Variants in TRIM72 observed in about 807,000 individuals in gnomAD.
The protein encoded by TRIM72 is tripartite motif containing 72.
A neutral mutation model predicts 31.6 loss-of-function variants in TRIM72; 33 were observed. The ratio of observed to expected loss-of-function variants is 1.04; its 90% CI spans 0.79 to 1.40. TRIM72 has a LOEUF of 1.40. TRIM72 is among the 40% of genes most tolerant of loss of function. The pLI, the probability that TRIM72 is intolerant of heterozygous loss-of-function variation, is 0.00. For synonymous variants in TRIM72, 301 were observed against 314.4 expected, an observed-to-expected ratio of 0.96 and a Z score of 0.45; for missense variants, 666 against 682.7, an observed-to-expected ratio of 0.98 and a Z score of 0.27.
rs375401025 is a variant in TRIM72, at chr16:31,224,313, C to A, written c.992C>A (p.Ala331Glu). The A allele has an allele frequency of 2.5e-6, 4 of 1,598,140 alleles. No individual in the cohort carries two copies. Among genetic ancestry groups the A allele is most frequent in the Non-Finnish European group, 2.6e-6 (3 of 1,175,502 alleles). ...AGEDPRQFDKAVAVVAHQQLS... is the reference protein window; with the variant it reads ...AGEDPRQFDKEVAVVAHQQLS... ...GAGGACCCGCGCCAGTTCGACAAGG[C>A]GGTGGCGGTGGTGGCGCACCAGCAG... is the stretch of plus-strand genomic sequence containing the variant. Residue 331 changes from alanine to glutamate, a missense_variant, in exon 7 of 7, where the codon GCG (alanine) becomes GAG (glutamate). Coordinates refer to ENST00000322122, the MANE Select transcript of TRIM72 (RefSeq NM_001008274.4).
rs919866264 is a variant in TRIM72 at position 31,216,964 on chromosome 16, T to G, written c.390+1836T>G. On this transcript the variant is annotated intron_variant, in intron 2 of 6. Transcript: ENST00000322122. The surrounding 1 kb of genome is among the most constrained non-coding windows in gnomAD (Gnocchi z 6.7). ...CACCGTCCCCAGCTTCATCTTGAAC[T>G]TCTTGAGCTCCTCCGGTGTCAGGTT... The G allele has an allele frequency of 4.3e-6, 7 of 1,614,032 alleles. No homozygotes were observed. The highest frequency in any genetic ancestry group is 5.9e-6 in the Non-Finnish European group (7 of 1,180,018).
Position 31,219,195 on chromosome 16 carries a change from G to A in TRIM72, c.486+5G>A, listed in dbSNP as rs1344481364. On this transcript the variant is annotated splice_donor_5th_base_variant and intron_variant, in intron 3 of 6. Transcript: ENST00000322122. This position sits in a 1 kb window ranked among gnomAD's most constrained non-coding sequence, Gnocchi z 4.2. ...CATCAGCTGGTGGAGGTGGAGGTGA[G>A]GACTTCACAGGGCCATGTCTGAGGG... 8 of 1,613,492 alleles carry A rather than the reference G, an allele frequency of 5.0e-6. No individual in the cohort carries two copies. Among genetic ancestry groups the A allele is most frequent in the Non-Finnish European group, 6.8e-6 (8 of 1,179,770 alleles).
chr16:31,216,491 C>A lies in TRIM72; in HGVS notation c.390+1363C>A. 3 of 413,834 alleles carry A rather than the reference C, an allele frequency of 7.2e-6. No individual in the cohort carries two copies. Among genetic ancestry groups the A allele is most frequent in the Non-Finnish European group, 1.3e-5 (3 of 234,566 alleles). The allele number at this position is 413,834 out of a possible 1,614,324, so 25.6% of individuals were successfully genotyped here. A position where few individuals can be genotyped will look rare whatever the true frequency, so the allele number is the denominator to read the frequency against. On this transcript the variant is annotated intron_variant, in intron 2 of 6. Transcript: ENST00000322122. The surrounding 1 kb of genome is among the most constrained non-coding windows in gnomAD (Gnocchi z 6.7). ...GCCCAACCTTGCCCGTCTTTATCTG[C>A]GAAGAAAGCACAGAACCCATGAAAC...
At chr16:31,218,623 A>G (rs1211531772) in intron 2 of TRIM72, among the ~76,000 whole-genome samples, 1 of 151,964 alleles carries the variant, frequency 6.6e-6, no homozygotes, top group Non-Finnish European at 1.5e-5. Context: ...TGGAGGTTGC[A>G]GTGAGCTGAG....
chr16:31,222,451 T>A (rs2079538109), intron 5 of TRIM72, among the ~76,000 whole-genome samples: 2 of 145,578 alleles, frequency 1.4e-5, no homozygotes, highest in African/African-American at 5.0e-5. Context: ...ACATGTAACA[T>A]AAAATTGACA....
rs2144189752 is a variant in TRIM72, at chr16:31,216,694, C to T, written c.390+1566C>T. 6.5e-7 allele frequency: 1 copy of T among 1,538,562 alleles called. No individual in the cohort carries two copies. The highest frequency in any genetic ancestry group is 1.2e-5 in the South Asian group (1 of 81,714). On this transcript the variant is annotated intron_variant, in intron 2 of 6. Transcript: ENST00000322122. The surrounding 1 kb of genome is among the most constrained non-coding windows in gnomAD (Gnocchi z 6.7). ...CAGGAAGGCTCTGGGCGGGACCTGACGCGTGGGTCCTTGGCGAGGAAGCGG... is the reference window on the plus strand; with the variant it reads ...CAGGAAGGCTCTGGGCGGGACCTGATGCGTGGGTCCTTGGCGAGGAAGCGG...
In TRIM72 at chr16:31,228,427, G is replaced by C. The variant is rs2079560624; in HGVS notation, c.*3672G>C. On this transcript the variant is annotated 3_prime_UTR_variant, in exon 7 of 7. Coordinates refer to ENST00000322122, the MANE Select transcript of TRIM72 (RefSeq NM_001008274.4). The stretch of plus-strand genomic sequence containing the variant: ...AGGCTAAGGACTGGCCACAGTGAGG[G>C]AGGGACCTGTGGTCTCCTGTGTTGC... 1 of 152,254 alleles carries C rather than the reference G, an allele frequency of 6.6e-6. No homozygotes were observed. The highest frequency in any genetic ancestry group is 6.5e-5 in the Admixed American group (1 of 15,268). The allele number at this position is 152,254 out of a possible 1,614,324, so 9.4% of individuals were successfully genotyped here.
Position 31,216,897 on chromosome 16 carries a change from G to T in TRIM72, c.390+1769G>T, listed in dbSNP as rs74015098. On this transcript the variant is annotated intron_variant, in intron 2 of 6. Coordinates refer to ENST00000322122, the MANE Select transcript of TRIM72 (RefSeq NM_001008274.4). This position sits in a 1 kb window ranked among gnomAD's most constrained non-coding sequence, Gnocchi z 6.7. ...TGAGGTCCACGATATCTAGCTGCCCGAGCGCGCCCCGCGGGATGCGCTCAA... is the reference window on the plus strand; with the variant it reads ...TGAGGTCCACGATATCTAGCTGCCCTAGCGCGCCCCGCGGGATGCGCTCAA... 1.9e-6 allele frequency: 3 copies of T among 1,613,776 alleles called. No individual in the cohort carries two copies. Among genetic ancestry groups the T allele is most frequent in the Non-Finnish European group, 2.5e-6 (3 of 1,180,012 alleles).
At position 31,219,631 on chromosome 16, in the gene TRIM72, A is replaced by T; in HGVS notation, c.717+112A>T. Reference sequence around the variant, plus strand: ...GGGCAGGGATAAGCCAGCAGCACACAGCCGGGAGGGGCAGGCCTCAGGACT... The same window carrying T: ...GGGCAGGGATAAGCCAGCAGCACACTGCCGGGAGGGGCAGGCCTCAGGACT... On this transcript the variant is annotated intron_variant, in intron 4 of 6. Coordinates refer to ENST00000322122, the MANE Select transcript of TRIM72 (RefSeq NM_001008274.4). The surrounding 1 kb of genome is among the most constrained non-coding windows in gnomAD (Gnocchi z 4.2). 1 of 1,010,026 alleles carries T rather than the reference A, an allele frequency of 9.9e-7. No individual in the cohort carries two copies. The highest frequency in any genetic ancestry group is 1.5e-5 in the South Asian group (1 of 67,504). 62.6% of individuals were successfully genotyped at this position (1,010,026 alleles called of 1,614,324 possible).
intron 5 of TRIM72, among the ~76,000 whole-genome samples, chr16:31,222,317 G>C (rs1315532550): frequency 1.3e-5 from 2 of 151,062 alleles, no homozygotes; most frequent in African/African-American, 4.9e-5. Context: ...TGCTTGAACT[G>C]GGGAGGCAGA....
chr16:31,220,744 TA>T (rs2079529826), intron 4 of TRIM72, 151 bp from the exon 5 acceptor site: 1 of 1,006,962 alleles, frequency 9.9e-7, no homozygotes. Flanking sequence ...GTGTTGAGAT[TA>T]CAGGCATGAG....
Position 31,219,072 on chromosome 16 carries a change from C to T in TRIM72, c.391-23C>T. The T allele has an allele frequency of 6.4e-7, 1 of 1,552,364 alleles. No homozygotes were observed. The highest frequency in any genetic ancestry group is 8.7e-7 in the Non-Finnish European group (1 of 1,147,282). On this transcript the variant is annotated intron_variant, in intron 2 of 6. Coordinates refer to ENST00000322122, the MANE Select transcript of TRIM72 (RefSeq NM_001008274.4). The surrounding 1 kb of genome is among the most constrained non-coding windows in gnomAD (Gnocchi z 4.2). The stretch of plus-strand genomic sequence containing the variant: ...TTTTGGGTGGGTGGCATCCCCATCA[C>T]TTCTCCATGCCTCGACCCCCAGACA...
intron 4 of TRIM72, among the ~76,000 whole-genome samples, chr16:31,220,314 C>T (rs1596940698): frequency 1.3e-5 from 2 of 152,236 alleles, no homozygotes; most frequent in African/African-American, 4.8e-5. Flanking sequence ...GCTGGGATTA[C>T]AGGCATGAGT....
At position 31,219,014 on chromosome 16, in the gene TRIM72, C is replaced by T. The variant is rs1377788540; in HGVS notation, c.391-81C>T. ...GGAGGAGCTGGCATTGAGGTTGAGC[C>T]ACAGAGGGCAGGTTTAGGATGGGAG... On this transcript the variant is annotated intron_variant, in intron 2 of 6. Coordinates refer to ENST00000322122, the MANE Select transcript of TRIM72 (RefSeq NM_001008274.4). The surrounding 1 kb of genome is among the most constrained non-coding windows in gnomAD (Gnocchi z 4.2). 1 of 1,335,270 alleles carries T rather than the reference C, an allele frequency of 7.5e-7. No homozygotes were observed. 82.7% of individuals were successfully genotyped at this position (1,335,270 alleles called of 1,614,324 possible). A position where few individuals can be genotyped will look rare whatever the true frequency, so the allele number is the denominator to read the frequency against.
In TRIM72 at chr16:31,229,018, C is replaced by T. The variant is rs570950100; in HGVS notation, c.*4263C>T. The T allele has an allele frequency of 1.9e-3, 284 of 152,512 alleles. No individual in the cohort carries two copies. Among genetic ancestry groups the T allele is most frequent in the Middle Eastern group, 6.7e-3 (2 of 300 alleles). 9.4% of individuals were successfully genotyped at this position (152,512 alleles called of 1,614,324 possible). On this transcript the variant is annotated 3_prime_UTR_variant, in exon 7 of 7. Coordinates refer to ENST00000322122, the MANE Select transcript of TRIM72 (RefSeq NM_001008274.4). Reference sequence around the variant, plus strand: ...ATCAGTTACTCTCCTCTCTGGATCGCCCAGCAGCTCCTCCACCATGTGTAG... The same window carrying T: ...ATCAGTTACTCTCCTCTCTGGATCGTCCAGCAGCTCCTCCACCATGTGTAG...
chr16:31,215,041 C>T lies in TRIM72; in HGVS notation c.303C>T (p.Arg101=). 1 of 1,501,476 alleles carries T rather than the reference C, an allele frequency of 6.7e-7. No individual in the cohort carries two copies. The highest frequency in any genetic ancestry group is 8.8e-7 in the Non-Finnish European group (1 of 1,133,974). The allele number at this position is 1,501,476 out of a possible 1,614,324, so 93.0% of individuals were successfully genotyped here. ...DPLSIYCEQD[R]ALVCGVCASL... is the part of the protein sequence containing the mutation. The stretch of plus-strand genomic sequence containing the variant: ...TGAGCATCTACTGCGAGCAGGACCG[C>T]GCGCTGGTGTGCGGAGTGTGCGCCT... Residue 101 remains arginine, a synonymous_variant, in exon 2 of 7, where the codon CGC becomes CGT. Transcript: ENST00000322122. This position sits in a 1 kb window ranked among gnomAD's most constrained non-coding sequence, Gnocchi z 6.3.
chr16:31,216,908 G>A lies in TRIM72; in HGVS notation c.390+1780G>A. The A allele has an allele frequency of 6.2e-7, 1 of 1,613,954 alleles. No homozygotes were observed. The highest frequency in any genetic ancestry group is 1.1e-5 in the South Asian group (1 of 91,088). ...ATATCTAGCTGCCCGAGCGCGCCCC[G>A]CGGGATGCGCTCAAAGCCCTCGCGC... On this transcript the variant is annotated intron_variant, in intron 2 of 6. Transcript: ENST00000322122. The surrounding 1 kb of genome is among the most constrained non-coding windows in gnomAD (Gnocchi z 6.7).
In TRIM72 at chr16:31,215,447, GCCAGGCGGAGCAGGGA is replaced by G. The variant is rs1265862810; in HGVS notation, c.390+321_390+336del. Among the ~76,000 whole-genome samples, 1 of 152,180 alleles carries G rather than the reference GCCAGGCGGAGCAGGGA, an allele frequency of 6.6e-6. No individual in the cohort carries two copies. The highest frequency in any genetic ancestry group is 1.5e-5 in the Non-Finnish European group (1 of 68,022). The stretch of plus-strand genomic sequence containing the variant: ...GGGCGGGTCTGATGGGCCGGGCGGA[GCCAGGCGGAGCAGGGA>G]CTGACCAGCCCCTGCGGCCCACGCT... On this transcript the variant is annotated intron_variant, in intron 2 of 6. Transcript: ENST00000322122. This position sits in a 1 kb window ranked among gnomAD's most constrained non-coding sequence, Gnocchi z 6.3.
Position 31,219,021 on chromosome 16 carries a change from G to C in TRIM72, c.391-74G>C. On this transcript the variant is annotated intron_variant, in intron 2 of 6. Transcript: ENST00000322122. This position sits in a 1 kb window ranked among gnomAD's most constrained non-coding sequence, Gnocchi z 4.2. ...CTGGCATTGAGGTTGAGCCACAGAG[G>C]GCAGGTTTAGGATGGGAGGTGTGGG... 1 of 1,386,790 alleles carries C rather than the reference G, an allele frequency of 7.2e-7. No individual in the cohort carries two copies. The highest frequency in any genetic ancestry group is 2.1e-5 in the Admixed American group (1 of 47,582). 85.9% of individuals were successfully genotyped at this position (1,386,790 alleles called of 1,614,324 possible). A position where few individuals can be genotyped will look rare whatever the true frequency, so the allele number is the denominator to read the frequency against.
Sources: gnomAD v4.1 joint callset for allele counts (sites outside exome capture counted in the v4.1 genomes callset) on GRCh38, gnomAD v4.1.1 for gene constraint, Gnocchi (gnomAD v3.1) non-coding constraint, MANE v1.5 for transcripts, NCBI Gene and HGNC (gene_info 2026-07-23, HGNC 2026-07-21) for gene names.